The following ROBO2 variants were observed in gnomAD, a reference collection of about 807,000 sequenced individuals.
The protein encoded by ROBO2 is roundabout guidance receptor 2.
Under a neutral mutation model 160.8 loss-of-function variants are expected in ROBO2, and 53 were observed. The ratio of observed to expected loss-of-function variants is 0.33; its 90% confidence interval spans 0.26 to 0.41. The LOEUF (loss-of-function observed/expected upper bound fraction) is 0.41. Among genes scored for constraint, ROBO2 ranks in the 10% least tolerant of loss-of-function variants. The pLI is 1.00. For missense variants in ROBO2, 1,577 were observed against 1,722.4 expected (o/e 0.92, Z 1.49); for synonymous variants, 664 against 611.7 (o/e 1.09, Z -1.26).
At chr3:76,834,894 T>C (rs927333731) in intron 2 of ROBO2, among the ~76,000 whole-genome samples, 8 of 152,162 alleles carry the variant, frequency 5.3e-5, no homozygotes, top group Non-Finnish European at 1.2e-4. Flanking sequence ...GTTTACAACA[T>C]TTGCCGTTCT....
chr3:76,445,122 A>C (rs530294745), intron 2 of ROBO2, among the ~76,000 whole-genome samples: 1 of 152,278 alleles, frequency 6.6e-6, no homozygotes, highest in East Asian at 1.9e-4. Flanking sequence ...AAAAGAAGGG[A>C]AAGATATTTT....
intron 1 of ROBO2, among the ~76,000 whole-genome samples, chr3:77,068,672 A>G: frequency 6.6e-6 from 1 of 152,138 alleles, no homozygotes; most frequent in East Asian, 1.9e-4. Context: ...ACAAAAGAGC[A>G]TGAGGGAGGG....
At chr3:77,462,178 A>G (rs2082315775) in intron 2 of ROBO2, among the ~76,000 whole-genome samples, 2 of 152,204 alleles carry the variant, frequency 1.3e-5, no homozygotes. Flanking sequence ...CTCAACTAAA[A>G]CACAGTTAGT....
intron 2 of ROBO2, among the ~76,000 whole-genome samples, chr3:77,235,448 G>T (rs530284113): frequency 1.3e-5 from 2 of 151,776 alleles, no homozygotes; most frequent in Admixed American, 1.3e-4. Context: ...TGCCTCCCGG[G>T]TTCACGCCAG....
intron 2 of ROBO2, among the ~76,000 whole-genome samples, chr3:76,536,498 C>G (rs1285348832): frequency 6.6e-6 from 1 of 152,016 alleles, no homozygotes; most frequent in Non-Finnish European, 1.5e-5. Context: ...ACCTTGGGTA[C>G]CTTCTTTAAG....
chr3:76,522,919 GAGAT>G (rs1281271013), intron 2 of ROBO2, among the ~76,000 whole-genome samples: 2 of 150,702 alleles, frequency 1.3e-5, no homozygotes, highest in African/African-American at 4.9e-5. Flanking sequence ...TGTATATACA[GAGAT>G]AGATATAGAT....
At chr3:76,211,572 A>G (rs932535403) in intron 2 of ROBO2, among the ~76,000 whole-genome samples, 2 of 152,242 alleles carry the variant, frequency 1.3e-5, no homozygotes, top group East Asian at 1.9e-4. Context: ...AATTCCTTAC[A>G]AGCAATGCTT....
At chr3:76,721,270 A>AGTATTT (rs1553881389) in intron 2 of ROBO2, among the ~76,000 whole-genome samples, 2 of 148,524 alleles carry the variant, frequency 1.3e-5, no homozygotes, top group Non-Finnish European at 1.5e-5. Context: ...TAACTTTTGA[A>AGTATTT]GTATTTTGTA....
chr3:76,305,789 G>A (rs1196562125), intron 2 of ROBO2, among the ~76,000 whole-genome samples: 1 of 151,580 alleles, frequency 6.6e-6, no homozygotes, highest in Non-Finnish European at 1.5e-5. Context: ...TCTATTAGTT[G>A]GTCTGAAATG....
At chr3:77,451,802 C>A (rs528017707) in intron 2 of ROBO2, among the ~76,000 whole-genome samples, 1 of 150,220 alleles carries the variant, frequency 6.7e-6, no homozygotes, top group Non-Finnish European at 1.5e-5. Context: ...ACTTTAAGTT[C>A]TCGGGTACAT....
chr3:77,478,399 GCTGA>G (rs2084296434), intron 3 of ROBO2, among the ~76,000 whole-genome samples: 1 of 152,138 alleles, frequency 6.6e-6, no homozygotes, highest in African/African-American at 2.4e-5. Flanking sequence ...AATCAAAACA[GCTGA>G]CTGATTCTGC....
At chr3:76,561,238 A>G (rs1432663601) in intron 2 of ROBO2, among the ~76,000 whole-genome samples, 1 of 152,162 alleles carries the variant, frequency 6.6e-6, no homozygotes, top group East Asian at 1.9e-4. Context: ...GTTGAATCCT[A>G]AAATAAGTTA....
At chr3:77,320,688 A>G (rs1278351519) in intron 2 of ROBO2, among the ~76,000 whole-genome samples, 1 of 152,170 alleles carries the variant, frequency 6.6e-6, no homozygotes, top group African/African-American at 2.4e-5. Context: ...CTACAGGCAA[A>G]AAAAGAAAAA....
At chr3:75,991,732 A>T (rs2065579112) in intron 2 of ROBO2, among the ~76,000 whole-genome samples, 1 of 152,254 alleles carries the variant, frequency 6.6e-6, no homozygotes, top group Admixed American at 6.5e-5. Context: ...AGGGCTCAAA[A>T]GTCAGGACAA....
At chr3:77,001,498 A>G (rs1438081727) in intron 2 of ROBO2, among the ~76,000 whole-genome samples, 1 of 152,126 alleles carries the variant, frequency 6.6e-6, no homozygotes, top group African/African-American at 2.4e-5. Flanking sequence ...ATCTTTTCAC[A>G]TATGGTCAGT....
chr3:76,682,280 G>A (rs971988495), intron 2 of ROBO2, among the ~76,000 whole-genome samples: 3 of 152,124 alleles, frequency 2.0e-5, no homozygotes, highest in Admixed American at 6.6e-5. Context: ...TCTATGCAAC[G>A]AATGTACCTC....
intron 23 of ROBO2, chr3:77,632,407 A>T: frequency 8.5e-7 from 1 of 1,183,356 alleles, no homozygotes; most frequent in Non-Finnish European, 1.1e-6. Context: ...GCTCATTAGT[A>T]TAGTGTGTAC....
chr3:77,277,160 C>CTTTA (rs2059898789), intron 2 of ROBO2, among the ~76,000 whole-genome samples: 1 of 75,374 alleles, frequency 1.3e-5, no homozygotes, highest in Non-Finnish European at 2.7e-5. Context: ...TTCTTTCCTT[C>CTTTA]TTTCTTTCTT....
intron 2 of ROBO2, among the ~76,000 whole-genome samples, chr3:76,087,989 A>T: frequency 6.6e-6 from 1 of 152,086 alleles, no homozygotes; most frequent in East Asian, 1.9e-4. Context: ...AGTCTTTTAA[A>T]TCTAAAGACT....
Sources: gnomAD v4.1 joint callset for allele counts (sites outside exome capture counted in the v4.1 genomes callset) on GRCh38, gnomAD v4.1.1 for gene constraint, MANE v1.5 for transcripts, NCBI Gene and HGNC (gene_info 2026-07-23, HGNC 2026-07-21) for gene names.